Variants in ANO7 observed in about 807,000 individuals in gnomAD.
ANO7 encodes anoctamin-7.
ANO7 carries 114 observed loss-of-function variants against 115.8 expected under a neutral mutation model. That is an observed-to-expected ratio of 0.98 (90% CI 0.85 to 1.15). The LOEUF (loss-of-function observed/expected upper bound fraction) is 1.15, where lower values mean the gene tolerates loss of function less well. ANO7 is among the 50% of genes most tolerant of loss of function. ANO7 has a pLI of 0.00. For missense variants in ANO7, 1,302 were observed against 1,201.2 expected (o/e 1.08, Z -1.24); for synonymous variants, 550 against 498.2 (o/e 1.10, Z -1.38).
downstream of ANO7, chr2:241,230,838 A>T: frequency 6.2e-7 from 1 of 1,614,186 alleles, no homozygotes; most frequent in Non-Finnish European, 8.5e-7. The surrounding 1 kb of genome is among the most constrained non-coding windows in gnomAD (Gnocchi z 5.0). Flanking sequence ...GTCCAGCGGG[A>T]CGTCCTCAGA....
At chr2:241,197,052 T>C (rs2068355179) in intron 4 of ANO7, among the ~76,000 whole-genome samples, 1 of 152,210 alleles carries the variant, frequency 6.6e-6, no homozygotes, top group South Asian at 2.1e-4. Flanking sequence ...TTTAACGTTT[T>C]ACCAACCAGT....
chr2:241,230,882 T>C (rs2069662695), downstream of ANO7: 1 of 1,614,190 alleles, frequency 6.2e-7, no homozygotes, highest in East Asian at 2.2e-5. This position sits in a 1 kb window ranked among gnomAD's most constrained non-coding sequence, Gnocchi z 5.0. Flanking sequence ...CAATTCTCAG[T>C]ATAGCATCCC....
chr2:241,238,723 T>C, the ANO7 span: 4 of 1,590,734 alleles, frequency 2.5e-6, no homozygotes, highest in East Asian at 2.3e-5. This position sits in a 1 kb window ranked among gnomAD's most constrained non-coding sequence, Gnocchi z 4.9. Flanking sequence ...TCTGGAACCT[T>C]TGGGGCCCAT....
chr2:241,198,731 T>C (rs2068399353), intron 4 of ANO7, among the ~76,000 whole-genome samples: 1 of 152,208 alleles, frequency 6.6e-6, no homozygotes. Flanking sequence ...AGTTATGCAC[T>C]CAGAGGAGGC....
In ANO7 at chr2:241,212,074, C is replaced by G; in HGVS notation, c.1562-20C>G. On this transcript the variant is annotated intron_variant, in intron 15 of 24. Transcript: ENST00000674324. Reference sequence around the variant, plus strand: ...CTGGTGACTCCCCCAGGGACTGAGCCCAGGCTCTCCATGCCACAGAAATGC... The same window carrying G: ...CTGGTGACTCCCCCAGGGACTGAGCGCAGGCTCTCCATGCCACAGAAATGC... 6.2e-7 allele frequency: 1 copy of G among 1,610,900 alleles called. No individual in the cohort carries two copies. The highest frequency in any genetic ancestry group is 1.1e-5 in the South Asian group (1 of 91,012).
intron 10 of ANO7, among the ~76,000 whole-genome samples, chr2:241,206,727 C>A (rs1409835385): frequency 1.3e-4 from 4 of 30,644 alleles, no homozygotes; most frequent in South Asian, 1.5e-3. Context: ...GGAGTGCTCC[C>A]AGGCTGACAT....
chr2:241,224,479 A>G lies in ANO7; in HGVS notation c.*326A>G. 2.8e-6 allele frequency: 1 copy of G among 363,580 alleles called. No homozygotes were observed. Among genetic ancestry groups the G allele is most frequent in the Non-Finnish European group, 5.1e-6 (1 of 194,830 alleles). The allele number at this position is 363,580 out of a possible 1,614,324, so 22.5% of individuals were successfully genotyped here. A position where few individuals can be genotyped will look rare whatever the true frequency, so the allele number is the denominator to read the frequency against. On this transcript the variant is annotated 3_prime_UTR_variant, in exon 25 of 25. Coordinates refer to ENST00000674324, the MANE Select transcript of ANO7 (RefSeq NM_001370694.2). Reference sequence around the variant, plus strand: ...GCCCCTGGACACGACAGTTCTCCTCAGGCAGGTGGGCTTTGTGGTCCTCGC... The same window carrying G: ...GCCCCTGGACACGACAGTTCTCCTCGGGCAGGTGGGCTTTGTGGTCCTCGC...
rs537120651 is a variant in ANO7 at position 241,196,926 on chromosome 2, G to A, written c.309+1081G>A. 7.5e-4 allele frequency among the ~76,000 whole-genome samples: 114 copies of A among 152,012 alleles called. 1 individual carries two copies. The highest frequency in any genetic ancestry group is 2.6e-3 in the African/African-American group (106 of 41,480). On this transcript the variant is annotated intron_variant, in intron 4 of 24. Transcript: ENST00000674324. The stretch of plus-strand genomic sequence containing the variant: ...AGGGACTTCTGGGAGTAGGGGTGCC[G>A]GGCCGAGGCATGTGCATATGGCCAA...
intron 2 of ANO7, among the ~76,000 whole-genome samples, chr2:241,190,569 CTGT>C (rs2068176620): frequency 6.6e-6 from 1 of 152,236 alleles, no homozygotes; most frequent in Non-Finnish European, 1.5e-5. Flanking sequence ...CGCTGTGAGC[CTGT>C]GGGGAGAGGC....
chr2:241,200,218 C>G lies in ANO7; in HGVS notation c.547C>G (p.Leu183Val). 1 of 1,612,738 alleles carries G rather than the reference C, an allele frequency of 6.2e-7. No individual in the cohort carries two copies. The highest frequency in any genetic ancestry group is 8.5e-7 in the Non-Finnish European group (1 of 1,179,734). Reference protein sequence around the residue: ...YYSCRFRVNKLPRFLGSDNQD... With the variant: ...YYSCRFRVNKVPRFLGSDNQD... ...CTCCTGCCGGTTCAGAGTGAACAAG[C>G]TGCCACGGTAAGGCAGGGGCCCTGC... The change falls in exon 6 of 25, where the codon CTG becomes GTG. Residue 183 changes from leucine to valine, a missense_variant. Physicochemically the swap from Leu to Val is conservative, Grantham distance 32. Coordinates refer to ENST00000674324, the MANE Select transcript of ANO7 (RefSeq NM_001370694.2).
chr2:241,208,309 G>A (rs2149207190), intron 11 of ANO7, among the ~76,000 whole-genome samples: 1 of 152,372 alleles, frequency 6.6e-6, no homozygotes, highest in African/African-American at 2.4e-5. Context: ...CCAGAATCAA[G>A]CTGTTGGCAG....
At chr2:241,219,716 T>C (rs2068962415) in intron 21 of ANO7, among the ~76,000 whole-genome samples, 1 of 148,420 alleles carries the variant, frequency 6.7e-6, no homozygotes. Flanking sequence ...TACAGGCGTG[T>C]GCCACCAGGC....
rs190698845 is a variant in ANO7 at position 241,203,597 on chromosome 2, G to C, written c.889+99G>C. ...TCCGTACCCCTGGAGGGCAGCGTGC[G>C]TGGGGGCCTGGACGGTGGGCGCAGC... On this transcript the variant is annotated intron_variant, in intron 9 of 24. Transcript: ENST00000674324. This position sits in a 1 kb window ranked among gnomAD's most constrained non-coding sequence, Gnocchi z 4.8. 3.2e-4 allele frequency: 289 copies of C among 905,380 alleles called. No homozygotes were observed. Among genetic ancestry groups the C allele is most frequent in the Non-Finnish European group, 4.3e-4 (272 of 625,900 alleles). The allele number at this position is 905,380 out of a possible 1,614,324, so 56.1% of individuals were successfully genotyped here.
In ANO7 at chr2:241,191,524, T is replaced by A. The variant is rs2074837; in HGVS notation, c.166+273T>A. Among the ~76,000 whole-genome samples, 44,399 of 152,100 alleles carry A rather than the reference T, an allele frequency of 0.29. 8,267 individuals carry two copies. The highest frequency in any genetic ancestry group is 0.46 in the Middle Eastern group (136 of 294). ...CCCCCTCCCTCCTGCTCCAGTCCCCTCCACCATCCTCCAGCTGTTCAGCCA... is the reference window on the plus strand; with the variant it reads ...CCCCCTCCCTCCTGCTCCAGTCCCCACCACCATCCTCCAGCTGTTCAGCCA... On this transcript the variant is annotated intron_variant, in intron 3 of 24. Coordinates refer to ENST00000674324, the MANE Select transcript of ANO7 (RefSeq NM_001370694.2).
intron 4 of ANO7, among the ~76,000 whole-genome samples, chr2:241,197,832 G>C (rs1403537612): frequency 6.6e-6 from 1 of 151,918 alleles, no homozygotes; most frequent in Admixed American, 6.6e-5. Context: ...TGTATTTTTA[G>C]TAGAGGCGGG....
rs1336549089 is a variant in ANO7, at chr2:241,207,655, C to T, written c.1062C>T (p.Ala354=). 1.9e-6 allele frequency: 3 copies of T among 1,613,698 alleles called. No homozygotes were observed. Among genetic ancestry groups the T allele is most frequent in the African/African-American group, 1.3e-5 (1 of 74,938 alleles). ...LDCPFWLLSS[A]CALAQAGRLF... Reference sequence around the variant, plus strand: ...GCCCTTTCTGGCTGCTCTCCAGCGCCTGTGCCCTGGCCCAGGTACGAGAAG... The same window carrying T: ...GCCCTTTCTGGCTGCTCTCCAGCGCTTGTGCCCTGGCCCAGGTACGAGAAG... Residue 354 remains alanine, a synonymous_variant, in exon 11 of 25, where the codon GCC becomes GCT. Coordinates refer to ENST00000674324, the MANE Select transcript of ANO7 (RefSeq NM_001370694.2).
In ANO7 at chr2:241,224,984, G is replaced by A. The variant is rs2069123942; in HGVS notation, c.*831G>A. 6.6e-6 allele frequency: 1 copy of A among 152,254 alleles called. No individual in the cohort carries two copies. The highest frequency in any genetic ancestry group is 2.4e-5 in the African/African-American group (1 of 41,452). 9.4% of individuals were successfully genotyped at this position (152,254 alleles called of 1,614,324 possible). A position where few individuals can be genotyped will look rare whatever the true frequency, so the allele number is the denominator to read the frequency against. On this transcript the variant is annotated 3_prime_UTR_variant, in exon 25 of 25. Coordinates refer to ENST00000674324, the MANE Select transcript of ANO7 (RefSeq NM_001370694.2). Reference sequence around the variant, plus strand: ...GTTTTGGGATGAGAGGAGGAAACGTGTATACCTGTAACATCTGGTGGCTCT... The same window carrying A: ...GTTTTGGGATGAGAGGAGGAAACGTATATACCTGTAACATCTGGTGGCTCT...
intron 21 of ANO7, among the ~76,000 whole-genome samples, chr2:241,219,806 T>C (rs9917335): frequency 0.024 from 3,606 of 149,920 alleles, 138 homozygotes; most frequent in African/African-American, 0.083. Context: ...CTCAAACTCC[T>C]GGCCTCAAGC....
At chr2:241,237,248 C>T in the ANO7 span, among the ~76,000 whole-genome samples, 1 of 152,110 alleles carries the variant, frequency 6.6e-6, no homozygotes, top group African/African-American at 2.4e-5. Flanking sequence ...CTAGGGGAGA[C>T]AGAAAGGGCA....
Sources: allele counts gnomAD v4.1 joint callset (sites outside exome capture counted in the v4.1 genomes callset), GRCh38; gene constraint gnomAD v4.1.1; non-coding constraint Gnocchi (gnomAD v3.1); transcripts MANE v1.5; gene names NCBI Gene and HGNC (gene_info 2026-07-23, HGNC 2026-07-21).